Variants in CAGE1 observed in about 807,000 individuals in gnomAD.
CAGE1 encodes the protein cancer-associated gene 1 protein.
In CAGE1, 66 loss-of-function variants were observed where a neutral mutation model predicts 94.9. That is an observed-to-expected ratio of 0.70 (90% CI 0.57 to 0.85). The LOEUF (loss-of-function observed/expected upper bound fraction) is 0.85, where lower values mean the gene tolerates loss of function less well. Among genes scored for constraint, CAGE1 ranks in the 40% least tolerant of loss-of-function variants. CAGE1 has a pLI of 0.00. For synonymous variants in CAGE1, 319 were observed against 321.0 expected (o/e 0.99, Z 0.07); for missense variants, 865 against 950.4 (o/e 0.91, Z 1.18).
intron 11 of CAGE1, among the ~76,000 whole-genome samples, chr6:7,349,761 C>G (rs1471283755): frequency 6.6e-6 from 1 of 151,814 alleles, no homozygotes; most frequent in Non-Finnish European, 1.5e-5. Flanking sequence ...GGTGAAACCC[C>G]ATCTTTACTA....
chr6:7,329,704 G>A (rs138160571), intron 13 of CAGE1, 145 bp downstream of exon 13: 10 of 534,908 alleles, frequency 1.9e-5, no homozygotes, highest in Admixed American at 1.8e-4. Flanking sequence ...GACAGGAGAC[G>A]GAAGAGCCCT....
At chr6:7,375,825 C>T (rs1467070404) in intron 4 of CAGE1, among the ~76,000 whole-genome samples, 3 of 152,192 alleles carry the variant, frequency 2.0e-5, no homozygotes, top group African/African-American at 7.2e-5. Flanking sequence ...TTTTTGAGCT[C>T]ATCCTTCTGC....
Position 7,389,377 on chromosome 6 carries a change from C to T in CAGE1, c.-199G>A. The T allele has an allele frequency of 2.2e-6, 1 of 455,656 alleles. No individual in the cohort carries two copies. The highest frequency in any genetic ancestry group is 1.5e-5 in the South Asian group (1 of 64,558). The allele number at this position is 455,656 out of a possible 1,614,324, so 28.2% of individuals were successfully genotyped here. On this transcript the variant is annotated 5_prime_UTR_variant, in exon 1 of 14. Transcript: ENST00000502583. ...TGGGAGGGAGAACGCTTTCCAACCT[C>T]CTCCACCAAGGACTCTCACAAACTC...
intron 9 of CAGE1, among the ~76,000 whole-genome samples, chr6:7,356,985 T>TG (rs1293942055): frequency 6.6e-6 from 1 of 151,946 alleles, no homozygotes; most frequent in African/African-American, 2.4e-5. Context: ...TTAGTCGAGA[T>TG]GGGGTTTCAC....
intron 9 of CAGE1, among the ~76,000 whole-genome samples, chr6:7,363,718 C>T (rs1178267665): frequency 6.6e-6 from 1 of 152,144 alleles, no homozygotes. Context: ...TGTCAAGGGG[C>T]AGGGGTCTGC....
At chr6:7,358,063 T>TATATATATATATATAC (rs1760037993) in intron 9 of CAGE1, among the ~76,000 whole-genome samples, 1 of 116,204 alleles carries the variant, frequency 8.6e-6, no homozygotes, top group African/African-American at 3.4e-5. Context: ...TATATATATA[T>TATATATATATATATAC]ATATATATGC....
At position 7,385,800 on chromosome 6, in the gene CAGE1, C is replaced by G; in HGVS notation, c.268G>C (p.Asp90His). 2.6e-6 allele frequency: 4 copies of G among 1,537,964 alleles called. No homozygotes were observed. Among genetic ancestry groups the G allele is most frequent in the Non-Finnish European group, 3.5e-6 (4 of 1,141,080 alleles). Residue 90 changes from aspartate to histidine, a missense_variant, in exon 3 of 14, where the codon GAC becomes CAC. By Grantham distance (81) the Asp-to-His change is moderately conservative. Transcript: ENST00000502583. ...AGATACTTACCATTTAACAAATTGTCTAGTGTGCCATAAGCATCTTCACAA... is the reference window on the plus strand; with the variant it reads ...AGATACTTACCATTTAACAAATTGTGTAGTGTGCCATAAGCATCTTCACAA... Reference protein sequence around the residue: ...TLCEDAYGTLDNLLNDNNIEN... With the variant: ...TLCEDAYGTLHNLLNDNNIEN...
At chr6:7,355,310 G>T (rs1484482815) in intron 10 of CAGE1, among the ~76,000 whole-genome samples, 199 bp from the exon 11 acceptor site, 2 of 152,130 alleles carry the variant, frequency 1.3e-5, no homozygotes, top group Non-Finnish European at 2.9e-5. Flanking sequence ...CAGAAAACGT[G>T]AAGTACCAAA....
intron 3 of CAGE1, among the ~76,000 whole-genome samples, chr6:7,383,439 C>G (rs1761009178): frequency 6.6e-6 from 1 of 152,182 alleles, no homozygotes; most frequent in Non-Finnish European, 1.5e-5. Context: ...GCCAACTGTT[C>G]CAGCACAACC....
chr6:7,345,337 C>T (rs967159072), intron 11 of CAGE1, among the ~76,000 whole-genome samples: 2 of 149,336 alleles, frequency 1.3e-5, no homozygotes, highest in Non-Finnish European at 3.0e-5. Flanking sequence ...CTAAACCCAG[C>T]AGGATGAAAG....
At chr6:7,344,622 A>AAGCAGCTCCACC (rs1408655725) in intron 11 of CAGE1, among the ~76,000 whole-genome samples, 3 of 152,226 alleles carry the variant, frequency 2.0e-5, no homozygotes, top group Non-Finnish European at 4.4e-5. Context: ...CGAGACTGGA[A>AAGCAGCTCCACC]AGCAGCTCCA....
chr6:7,355,962 A>T, intron 10 of CAGE1, 63 bp downstream of exon 10: 3 of 920,784 alleles, frequency 3.3e-6, no homozygotes, highest in South Asian at 1.4e-5. Context: ...ACTGCACTGT[A>T]CTTCGGCCTG....
chr6:7,369,866 C>A (rs1760481043), intron 6 of CAGE1, 53 bp downstream of exon 6: 1 of 1,500,884 alleles, frequency 6.7e-7, no homozygotes. Context: ...TTTTGTCCAA[C>A]CCCAGTATTT....
chr6:7,378,742 G>A lies in CAGE1; in HGVS notation c.562C>T (p.Pro188Ser), dbSNP rs2113464442. The A allele has an allele frequency of 1.9e-6, 3 of 1,613,938 alleles. No individual in the cohort carries two copies. The highest frequency in any genetic ancestry group is 4.5e-5 in the East Asian group (2 of 44,874). Reference protein sequence around the residue: ...LGNEYFRQPPPRSPPLIHCSG... With the variant: ...LGNEYFRQPPSRSPPLIHCSG... ...CAGTGGATTAGAGGCGGGCTTCTAG[G>A]AGGAGGCTGTCTAAAATACTCGTTA... The change falls in exon 4 of 14, where the codon CCT (proline) becomes TCT (serine). Residue 188 changes from proline to serine, a missense_variant. Coordinates refer to ENST00000502583, the MANE Select transcript of CAGE1 (RefSeq NM_001170692.2).
chr6:7,329,079 G>A (rs545141470), intron 13 of CAGE1: 43 of 267,436 alleles, frequency 1.6e-4, no homozygotes, highest in Middle Eastern at 1.1e-3. Flanking sequence ...TTACAGGCAC[G>A]CACCACAACA....
chr6:7,349,828 A>G (rs925633542), intron 11 of CAGE1, among the ~76,000 whole-genome samples: 1 of 151,794 alleles, frequency 6.6e-6, no homozygotes, highest in Non-Finnish European at 1.5e-5. Context: ...GCTACTCAGG[A>G]GGCTGAGGCA....
chr6:7,373,540 CA>C lies in CAGE1; in HGVS notation c.1278del (p.Glu427LysfsTer9). Reference protein sequence around the residue: ...NYVCLQERYMTEMQQKNKSVS... With the variant: ...NYVCLQERYMXEMQQKNKSVS... Reference sequence around the variant, plus strand: ...ACAGATTTATTTTTTTGTTGCATTTCAGTCATGTACCTTTCCTGTAAACACA... The same window carrying C: ...ACAGATTTATTTTTTTGTTGCATTTCGTCATGTACCTTTCCTGTAAACACA... On this transcript the variant is annotated frameshift_variant, in exon 5 of 14. Transcript: ENST00000502583. LOFTEE classifies it high-confidence loss of function. The C allele has an allele frequency of 6.2e-7, 1 of 1,613,262 alleles. No individual in the cohort carries two copies. Among genetic ancestry groups the C allele is most frequent in the Non-Finnish European group, 8.5e-7 (1 of 1,179,734 alleles).
At chr6:7,345,052 G>C (rs1043138518) in intron 11 of CAGE1, among the ~76,000 whole-genome samples, 4 of 152,104 alleles carry the variant, frequency 2.6e-5, no homozygotes, top group Non-Finnish European at 5.9e-5. Context: ...AGCAGCGGCA[G>C]ATGGCTGGTG....
intron 3 of CAGE1, among the ~76,000 whole-genome samples, chr6:7,382,131 C>T (rs1760956265): frequency 6.6e-6 from 1 of 152,102 alleles, no homozygotes; most frequent in Non-Finnish European, 1.5e-5. Flanking sequence ...AGCCACCGTG[C>T]CCAGCCATTA....
Sources: gnomAD v4.1 joint callset for allele counts (sites outside exome capture counted in the v4.1 genomes callset) on GRCh38, gnomAD v4.1.1 for gene constraint, MANE v1.5 for transcripts, NCBI Gene and HGNC (gene_info 2026-07-23, HGNC 2026-07-21) for gene names.